KCNB2: variants seen among roughly 807,000 people sequenced by gnomAD.
The protein encoded by KCNB2 is potassium voltage-gated channel subfamily B member 2, also known as delayed rectifier potassium channel protein.
In KCNB2, 15 loss-of-function variants were observed where a neutral mutation model predicts 61.5. That is an observed-to-expected ratio of 0.24 (90% CI 0.16 to 0.38). The LOEUF (loss-of-function observed/expected upper bound fraction) is 0.38. Ranked by LOEUF, KCNB2 falls within the 10% of genes least tolerant of loss-of-function variation. The pLI is 1.00. For synonymous variants in KCNB2, 457 were observed against 446.0 expected, an observed-to-expected ratio of 1.02 and a Z score of -0.31; for missense variants, 828 against 1,125.2, an observed-to-expected ratio of 0.74 and a Z score of 3.78.
intron 2 of KCNB2, among the ~76,000 whole-genome samples, chr8:72,907,538 T>C (rs564350570): frequency 6.6e-6 from 1 of 152,196 alleles, no homozygotes; most frequent in African/African-American, 2.4e-5. Flanking sequence ...GCAGAGCAGA[T>C]ACTGCTTGAA....
At chr8:72,620,611 T>TA (rs1805699726) in intron 2 of KCNB2, among the ~76,000 whole-genome samples, 1 of 152,070 alleles carries the variant, frequency 6.6e-6, no homozygotes, top group Non-Finnish European at 1.5e-5. Flanking sequence ...TTATTTTATT[T>TA]TATTTTATTT....
intron 1 of KCNB2, among the ~76,000 whole-genome samples, chr8:72,559,044 C>T (rs1250656047): frequency 2.6e-5 from 4 of 152,224 alleles, no homozygotes; most frequent in Admixed American, 1.3e-4. Context: ...CAGCAAGGGA[C>T]ATGTAGAAGC....
chr8:72,927,505 A>G (rs1171733835), intron 2 of KCNB2, among the ~76,000 whole-genome samples: 1 of 152,178 alleles, frequency 6.6e-6, no homozygotes, highest in African/African-American at 2.4e-5. Flanking sequence ...TCCTGACCAC[A>G]GATGACCCAC....
intron 2 of KCNB2, among the ~76,000 whole-genome samples, chr8:72,639,260 C>T (rs1806014912): frequency 6.6e-6 from 1 of 152,038 alleles, no homozygotes; most frequent in South Asian, 2.1e-4. Context: ...GGATCTGACC[C>T]AGCATGTTCT....
At chr8:72,706,139 A>T (rs769560101) in intron 2 of KCNB2, among the ~76,000 whole-genome samples, 38 of 152,234 alleles carry the variant, frequency 2.5e-4, no homozygotes, top group Non-Finnish European at 5.0e-4. Context: ...AGAAGCCTGC[A>T]TCTGGTCAGC....
At chr8:72,847,336 G>T (rs1442215613) in intron 2 of KCNB2, among the ~76,000 whole-genome samples, 1 of 152,062 alleles carries the variant, frequency 6.6e-6, no homozygotes, top group Non-Finnish European at 1.5e-5. Flanking sequence ...TTACAACATC[G>T]CCCCCTTGTG....
intron 2 of KCNB2, among the ~76,000 whole-genome samples, chr8:72,831,050 T>C (rs975563468): frequency 6.6e-6 from 1 of 152,212 alleles, no homozygotes; most frequent in African/African-American, 2.4e-5. Context: ...TTTAAGTACA[T>C]TAGAAGCCCT....
chr8:72,596,964 A>G (rs1807202432), intron 2 of KCNB2, among the ~76,000 whole-genome samples: 1 of 148,714 alleles, frequency 6.7e-6, no homozygotes, highest in Non-Finnish European at 1.5e-5. Context: ...AGCACTGGGA[A>G]ACAGCCAACC....
chr8:72,682,203 G>T (rs1196112685), intron 2 of KCNB2, among the ~76,000 whole-genome samples: 1 of 152,076 alleles, frequency 6.6e-6, no homozygotes, highest in Non-Finnish European at 1.5e-5. Flanking sequence ...CTGTGTTCAG[G>T]TCATGATAAA....
At chr8:72,749,741 C>CT (rs1307309891) in intron 2 of KCNB2, among the ~76,000 whole-genome samples, 1 of 144,280 alleles carries the variant, frequency 6.9e-6, no homozygotes, top group East Asian at 2.0e-4. Flanking sequence ...ATACATATTA[C>CT]TTTTTTGTAT....
chr8:72,875,205 T>A (rs1407836167), intron 2 of KCNB2: 5 of 152,210 alleles, frequency 3.3e-5, no homozygotes, highest in African/African-American at 1.2e-4. Context: ...ATGATTATCC[T>A]GGGTGAGAAG....
chr8:72,873,783 A>G (rs1478649839), intron 2 of KCNB2, among the ~76,000 whole-genome samples: 1 of 152,256 alleles, frequency 6.6e-6, no homozygotes, highest in Non-Finnish European at 1.5e-5. Flanking sequence ...TTGAGAACAA[A>G]GGGTAATTCA....
intron 2 of KCNB2, among the ~76,000 whole-genome samples, chr8:72,844,755 A>G (rs1809957949): frequency 6.6e-6 from 1 of 152,148 alleles, no homozygotes; most frequent in Admixed American, 6.5e-5. Context: ...TGTATGCTTC[A>G]TGAAGTTCTT....
chr8:72,931,077 T>C (rs961159845), intron 2 of KCNB2, among the ~76,000 whole-genome samples: 43 of 152,256 alleles, frequency 2.8e-4, no homozygotes, highest in African/African-American at 9.9e-4. Context: ...TTTCTTGTTT[T>C]TGTCAGGTTT....
chr8:72,764,354 A>G (rs1399450866), intron 2 of KCNB2, among the ~76,000 whole-genome samples: 1 of 152,104 alleles, frequency 6.6e-6, no homozygotes, highest in Non-Finnish European at 1.5e-5. Flanking sequence ...CCTCACAAAG[A>G]GGTTGGAGAT....
chr8:72,857,351 G>A (rs1032399527), intron 2 of KCNB2, among the ~76,000 whole-genome samples: 2 of 152,294 alleles, frequency 1.3e-5, no homozygotes, highest in African/African-American at 4.8e-5. Flanking sequence ...CCAGGTAGAG[G>A]AATGAGCATA....
At chr8:72,893,868 G>T (rs574685454) in intron 2 of KCNB2, among the ~76,000 whole-genome samples, 88 of 152,170 alleles carry the variant, frequency 5.8e-4, no homozygotes, top group Middle Eastern at 3.4e-3. Context: ...TGAACCCAGG[G>T]GTGTGCCATC....
intron 2 of KCNB2, chr8:72,749,423 G>A (rs927623672): frequency 6.6e-6 from 1 of 151,990 alleles, no homozygotes; most frequent in Non-Finnish European, 1.5e-5. Context: ...GCCTGAACCA[G>A]TCATTTTCTC....
In KCNB2 at chr8:72,936,058, C is replaced by T. The variant is rs1423580115; in HGVS notation, c.703C>T (p.His235Tyr). 1 of 1,614,222 alleles carries T rather than the reference C, an allele frequency of 6.2e-7. No individual in the cohort carries two copies. Among genetic ancestry groups the T allele is most frequent in the Non-Finnish European group, 8.5e-7 (1 of 1,180,024 alleles). ...ACTCAATGACAACCGCCAATTAGCA[C>T]ACGTGGAGGCTGTGTGTATTGCATG... is the stretch of plus-strand genomic sequence containing the variant. ...GQLNDNRQLA[H>Y]VEAVCIAWFT... The change falls in exon 3 of 3, where the codon CAC (histidine) becomes TAC (tyrosine). Residue 235 changes from histidine to tyrosine, a missense_variant. This residue lies in a region of KCNB2 where 163 missense variants were observed against 314.4 expected (regional missense o/e 0.52). Coordinates refer to ENST00000523207, the MANE Select transcript of KCNB2 (RefSeq NM_004770.3). This position sits in a 1 kb window ranked among gnomAD's most constrained non-coding sequence, Gnocchi z 5.6.
Sources: gnomAD v4.1 joint callset for allele counts (sites outside exome capture counted in the v4.1 genomes callset) on GRCh38, gnomAD v4.1.1 for gene constraint, gnomAD v4.1.1 regional missense constraint, Gnocchi (gnomAD v3.1) non-coding constraint, MANE v1.5 for transcripts, NCBI Gene and HGNC (gene_info 2026-07-23, HGNC 2026-07-21) for gene names.